Variants in CPEB3 observed in about 807,000 individuals in gnomAD.
CPEB3 encodes the protein cytoplasmic polyadenylation element-binding protein 3.
In CPEB3, 20 loss-of-function variants were observed where a neutral mutation model predicts 67.2. That is an observed-to-expected ratio of 0.30 (90% confidence interval 0.21 to 0.43). The LOEUF (loss-of-function observed/expected upper bound fraction) is 0.43, where lower values mean the gene tolerates loss of function less well. Among genes scored for constraint, CPEB3 ranks in the 20% least tolerant of loss-of-function variants. CPEB3 has a pLI of 1.00. For missense variants in CPEB3, 746 were observed against 968.6 expected, an observed-to-expected ratio of 0.77 and a Z score of 3.05; for synonymous variants, 376 against 393.1, an observed-to-expected ratio of 0.96 and a Z score of 0.51.
At chr10:92,266,218 T>A (rs1853050181) in intron 1 of CPEB3, among the ~76,000 whole-genome samples, 1 of 152,286 alleles carries the variant, frequency 6.6e-6, no homozygotes, top group South Asian at 2.1e-4. Context: ...TATTCTGTCA[T>A]AAGCGACAGA....
chr10:92,168,003 T>A (rs1347884635), intron 4 of CPEB3, among the ~76,000 whole-genome samples: 2 of 152,112 alleles, frequency 1.3e-5, no homozygotes, highest in Admixed American at 1.3e-4. Flanking sequence ...GTTAAAATAT[T>A]GTGAGAATTA....
chr10:92,143,233 T>C (rs1307978687), intron 5 of CPEB3, 115 bp from the exon 6 acceptor site: 1 of 679,446 alleles, frequency 1.5e-6, no homozygotes, highest in Non-Finnish European at 2.4e-6. Context: ...GGTTGTTTTC[T>C]ATAGCATCTT....
At position 92,183,216 on chromosome 10, in the gene CPEB3, T is replaced by C. The variant is rs372345539; in HGVS notation, c.1166-2197A>G. On this transcript the variant is annotated intron_variant, in intron 3 of 9. Coordinates refer to ENST00000265997, the MANE Select transcript of CPEB3 (RefSeq NM_014912.5). ...ATTTTTTATAGATTTCATAAACGTT[T>C]TCATATTTACTAGAAGCTAATTATT... Among the ~76,000 whole-genome samples the C allele has an allele frequency of 3.3e-5, 5 of 152,180 alleles. No individual in the cohort carries two copies. The South Asian group carries it at 1.0e-3, about 31-fold the overall frequency.
chr10:92,182,906 T>A (rs1348834495), intron 3 of CPEB3, among the ~76,000 whole-genome samples: 1 of 151,772 alleles, frequency 6.6e-6, no homozygotes, highest in Non-Finnish European at 1.5e-5. Context: ...TGTATGTATG[T>A]ATTGAATGAG....
chr10:92,262,210 A>G (rs184265928), intron 1 of CPEB3, among the ~76,000 whole-genome samples: 49 of 152,316 alleles, frequency 3.2e-4, no homozygotes, highest in African/African-American at 1.1e-3. Flanking sequence ...ACAGATCACG[A>G]TATCATCACA....
At chr10:92,118,681 T>G (rs1364133176) in intron 6 of CPEB3, 1 of 685,840 alleles carries the variant, frequency 1.5e-6, no homozygotes, top group African/African-American at 1.8e-5. Context: ...TGAGACATGT[T>G]GGTCGACATT....
At position 92,158,810 on chromosome 10, in the gene CPEB3, T is replaced by C. The variant is rs536909798; in HGVS notation, c.1223-13725A>G. 7.9e-5 allele frequency among the ~76,000 whole-genome samples: 12 copies of C among 152,322 alleles called. No homozygotes were observed. The South Asian group carries it at 1.2e-3, about 16-fold the overall frequency. On this transcript the variant is annotated intron_variant, in intron 4 of 9. Transcript: ENST00000265997. ...CTTCCTCTTTAAAACTCCAGCCCTA[T>C]AGAATGTATTGTTACATTGTTTAAT...
intron 8 of CPEB3, among the ~76,000 whole-genome samples, chr10:92,086,815 T>C (rs910858494): frequency 2.6e-5 from 4 of 152,232 alleles, no homozygotes; most frequent in African/African-American, 7.2e-5. Context: ...GCCACTGATA[T>C]GGCAAAGTTT....
Position 92,219,061 on chromosome 10 carries a change from G to A in CPEB3, c.1005+20285C>T, listed in dbSNP as rs557843043. Among the ~76,000 whole-genome samples the A allele has an allele frequency of 1.1e-3, 173 of 152,238 alleles. 1 individual carries two copies. The highest frequency in any genetic ancestry group is 3.4e-3 in the Middle Eastern group (1 of 294). On this transcript the variant is annotated intron_variant, in intron 2 of 9. Transcript: ENST00000265997. ...CTTTCTTTGATGGTTTAGAACAAAC[G>A]AAGTGTCTTCGGGGCATCATGAATA... is the stretch of plus-strand genomic sequence containing the variant.
chr10:92,065,240 ACAGGGT>A (rs1842501543), intron 9 of CPEB3, among the ~76,000 whole-genome samples: 1 of 152,222 alleles, frequency 6.6e-6, no homozygotes, highest in Non-Finnish European at 1.5e-5. Flanking sequence ...TACTTTTGAG[ACAGGGT>A]CACTCGCTCT....
chr10:92,137,134 G>T, intron 6 of CPEB3: 1 of 329,506 alleles, frequency 3.0e-6, no homozygotes, highest in South Asian at 4.0e-5. Context: ...GCAGTAGATT[G>T]AATTAGATCT....
chr10:92,193,691 A>G (rs11817048), intron 2 of CPEB3, among the ~76,000 whole-genome samples: 16,197 of 151,792 alleles, frequency 0.11, 2,873 homozygotes, highest in African/African-American at 0.37. Flanking sequence ...CTGAGTGCAA[A>G]CGATAAAGAC....
intron 4 of CPEB3, among the ~76,000 whole-genome samples, chr10:92,169,716 G>A (rs1483280563): frequency 6.6e-6 from 1 of 152,164 alleles, no homozygotes; most frequent in Non-Finnish European, 1.5e-5. Flanking sequence ...CTCTCCTGTT[G>A]TTCTTACCCA....
At chr10:92,215,565 CT>C (rs1207081557) in intron 2 of CPEB3, among the ~76,000 whole-genome samples, 1 of 150,246 alleles carries the variant, frequency 6.7e-6, no homozygotes, top group Non-Finnish European at 1.5e-5. Context: ...CCTCTGCCTC[CT>C]GAGTAGCTGG....
chr10:92,119,273 TC>T, intron 6 of CPEB3: 1 of 1,555,196 alleles, frequency 6.4e-7, no homozygotes. Context: ...TTTGTTTAGA[TC>T]CTTTTGCACT....
At chr10:92,102,525 T>G (rs757673270) in intron 7 of CPEB3, among the ~76,000 whole-genome samples, 1 of 152,196 alleles carries the variant, frequency 6.6e-6, no homozygotes, top group Admixed American at 6.5e-5. Flanking sequence ...TATTATCTGA[T>G]GCAAGGAAGC....
At chr10:92,238,616 T>C (rs756122221) in intron 2 of CPEB3, among the ~76,000 whole-genome samples, 35 of 126,098 alleles carry the variant, frequency 2.8e-4, no homozygotes, top group Non-Finnish European at 1.3e-4. Flanking sequence ...TCCTATTGTC[T>C]CTTACCTCCG....
At chr10:92,194,087 C>A (rs927775184) in intron 2 of CPEB3, among the ~76,000 whole-genome samples, 1 of 151,544 alleles carries the variant, frequency 6.6e-6, no homozygotes, top group Admixed American at 6.6e-5. Context: ...TGAGACACCG[C>A]GCCCGGCCTA....
chr10:92,115,080 G>C (rs1844942557), intron 6 of CPEB3, among the ~76,000 whole-genome samples: 1 of 152,246 alleles, frequency 6.6e-6, no homozygotes, highest in Non-Finnish European at 1.5e-5. Context: ...AGCGCTGCCA[G>C]TGTGGAAAGA....
Sources: allele counts gnomAD v4.1 joint callset (sites outside exome capture counted in the v4.1 genomes callset), GRCh38; gene constraint gnomAD v4.1.1; transcripts MANE v1.5; gene names NCBI Gene and HGNC (gene_info 2026-07-23, HGNC 2026-07-21).